Variants in PEAK1 observed in about 807,000 individuals in gnomAD.
The protein encoded by PEAK1 is inactive tyrosine-protein kinase PEAK1.
Under a neutral mutation model 124.7 loss-of-function variants are expected in PEAK1, and 54 were observed. That is an observed-to-expected ratio of 0.43 (90% CI 0.35 to 0.54). The LOEUF is 0.54. Ranked by LOEUF, PEAK1 falls within the 20% of genes least tolerant of loss-of-function variation. The pLI is 0.01. For synonymous variants in PEAK1, 719 were observed against 760.0 expected, an observed-to-expected ratio of 0.95 and a Z score of 0.89; for missense variants, 2,046 against 2,134.5, an observed-to-expected ratio of 0.96 and a Z score of 0.82.
intron 6 of PEAK1, among the ~76,000 whole-genome samples, chr15:77,248,994 A>AT (rs1229375458): frequency 2.6e-5 from 4 of 151,184 alleles, no homozygotes; most frequent in Non-Finnish European, 5.9e-5. Context: ...TAAGTTTTGT[A>AT]TTTTTTTTGG....
chr15:77,252,351 G>A lies in PEAK1; in HGVS notation c.-115+16C>T. 1 of 982,380 alleles carries A rather than the reference G, an allele frequency of 1.0e-6. No homozygotes were observed. The allele number at this position is 982,380 out of a possible 1,614,324, so 60.9% of individuals were successfully genotyped here. A position where few individuals can be genotyped will look rare whatever the true frequency, so the allele number is the denominator to read the frequency against. On this transcript the variant is annotated intron_variant, in intron 6 of 9. Transcript: ENST00000682557. ...TTCTTGGTGGAAATGTAACATGTTAGGAGAATTCTGCTTACTATTTAAATC... is the reference window on the plus strand; with the variant it reads ...TTCTTGGTGGAAATGTAACATGTTAAGAGAATTCTGCTTACTATTTAAATC...
At chr15:77,236,731 C>G (rs1468117134) in intron 6 of PEAK1, among the ~76,000 whole-genome samples, 1 of 152,146 alleles carries the variant, frequency 6.6e-6, no homozygotes, top group Non-Finnish European at 1.5e-5. Context: ...CCACCCAAAT[C>G]TCATCTTAAA....
At chr15:77,407,946 CAT>C (rs1189195031) in intron 1 of PEAK1, among the ~76,000 whole-genome samples, 1 of 81,018 alleles carries the variant, frequency 1.2e-5, no homozygotes, top group African/African-American at 3.1e-5. Context: ...CATATATACA[CAT>C]ATACACACAT....
Position 77,307,472 on chromosome 15 carries a change from G to C in PEAK1, c.-602-20968C>G, listed in dbSNP as rs546123483. Among the ~76,000 whole-genome samples the C allele has an allele frequency of 5.3e-5, 8 of 152,042 alleles. No homozygotes were observed. The East Asian group carries it at 7.7e-4, about 15-fold the overall frequency. Reference sequence around the variant, plus strand: ...ATCAATCGATAGATACAAACATTTGGGTTAATAAAATTTTAGAATCATCAC... The same window carrying C: ...ATCAATCGATAGATACAAACATTTGCGTTAATAAAATTTTAGAATCATCAC... On this transcript the variant is annotated intron_variant, in intron 2 of 9. Transcript: ENST00000682557.
intron 9 of PEAK1, among the ~76,000 whole-genome samples, chr15:77,132,357 T>C (rs1262944559): frequency 6.6e-6 from 1 of 151,780 alleles, no homozygotes. Context: ...AGTGCTGGGA[T>C]TATAGCCATG....
chr15:77,265,806 C>T (rs572288702), intron 5 of PEAK1, among the ~76,000 whole-genome samples: 155 of 152,026 alleles, frequency 1.0e-3, no homozygotes, highest in African/African-American at 2.3e-3. Flanking sequence ...CACATGCACA[C>T]GTATGTTTAT....
chr15:77,218,309 A>C (rs950187526), intron 6 of PEAK1, among the ~76,000 whole-genome samples: 1 of 152,040 alleles, frequency 6.6e-6, no homozygotes, highest in Non-Finnish European at 1.5e-5. Context: ...TTTCCCCATT[A>C]CTTTGATACA....
At chr15:77,278,762 G>T in intron 5 of PEAK1, 1 of 461,418 alleles carries the variant, frequency 2.2e-6, no homozygotes, top group South Asian at 1.7e-5. Context: ...TGATAACTGT[G>T]TACTTCTGGT....
intron 4 of PEAK1, 47 bp from the exon 5 acceptor site, chr15:77,284,077 C>T: frequency 2.1e-6 from 2 of 962,932 alleles, no homozygotes; most frequent in Non-Finnish European, 2.5e-6. Context: ...CACAGAGTCA[C>T]TTAGTCTAGC....
chr15:77,208,177 C>T (rs2058751293), intron 6 of PEAK1, among the ~76,000 whole-genome samples: 1 of 152,132 alleles, frequency 6.6e-6, no homozygotes, highest in South Asian at 2.1e-4. Flanking sequence ...ATCTTTAATT[C>T]AATACAATAA....
chr15:77,349,494 T>C, intron 2 of PEAK1: 3 of 985,198 alleles, frequency 3.0e-6, no homozygotes, highest in Non-Finnish European at 3.6e-6. Context: ...CAAAGCTCAA[T>C]TGATATTGGC....
chr15:77,136,659 C>T (rs2053356014), intron 8 of PEAK1, among the ~76,000 whole-genome samples: 1 of 151,534 alleles, frequency 6.6e-6, no homozygotes, highest in Admixed American at 6.6e-5. Context: ...GAGTGAGACC[C>T]CGTCTCCAAA....
chr15:77,355,333 T>C (rs1168690762), intron 2 of PEAK1, among the ~76,000 whole-genome samples: 1 of 152,200 alleles, frequency 6.6e-6, no homozygotes, highest in East Asian at 1.9e-4. Context: ...AATACTATTA[T>C]ACATACTTAT....
chr15:77,356,400 T>C (rs1418511835), intron 2 of PEAK1, among the ~76,000 whole-genome samples: 1 of 152,200 alleles, frequency 6.6e-6, no homozygotes, highest in Admixed American at 6.5e-5. Context: ...GGATTTCTCA[T>C]ACATCAATGG....
chr15:77,167,397 G>GT (rs1194704216), intron 7 of PEAK1, among the ~76,000 whole-genome samples: 2 of 152,064 alleles, frequency 1.3e-5, no homozygotes, highest in Non-Finnish European at 2.9e-5. Flanking sequence ...TAACCATACT[G>GT]TATCATTCCA....
At position 77,386,153 on chromosome 15, in the gene PEAK1, T is replaced by A. The variant is rs143750478; in HGVS notation, c.-665-20928A>T. On this transcript the variant is annotated intron_variant, in intron 1 of 9. Transcript: ENST00000682557. ...CCAGGAATATATTCCTCAGCATTTA[T>A]TCCTCAGAAAATCTATTTAGTAGGT... Among the ~76,000 whole-genome samples, 651 of 152,330 alleles carry A rather than the reference T, an allele frequency of 4.3e-3. 3 individuals carry two copies. Among genetic ancestry groups the A allele is most frequent in the African/African-American group, 0.015 (631 of 41,572 alleles).
chr15:77,370,085 C>T (rs1383485107), intron 1 of PEAK1, among the ~76,000 whole-genome samples: 2 of 152,146 alleles, frequency 1.3e-5, no homozygotes, highest in Non-Finnish European at 2.9e-5. Flanking sequence ...CACTTCATCT[C>T]CCCACTTCAT....
chr15:77,180,320 G>A lies in PEAK1; in HGVS notation c.1607C>T (p.Thr536Ile), dbSNP rs546124091. Residue 536 changes from threonine (T) to isoleucine (I), a missense_variant, in exon 7 of 10, where the codon ACT becomes ATT. Transcript: ENST00000682557. ...SSAIRYQEVW[T>I]SSTSPRQKIP... is the part of the protein sequence containing the mutation. ...CTTTTGTCGTGGACTGGTGCTAGAAGTCCATACTTCTTGGTATCGAATTGC... is the reference window on the plus strand; with the variant it reads ...CTTTTGTCGTGGACTGGTGCTAGAAATCCATACTTCTTGGTATCGAATTGC... 5.0e-6 allele frequency: 8 copies of A among 1,614,108 alleles called. No individual in the cohort carries two copies. In the African/African-American group the frequency reaches 9.3e-5, roughly 19 times the overall value.
At position 77,133,664 on chromosome 15, in the gene PEAK1, T is replaced by C. The variant is rs1160218222; in HGVS notation, c.3418A>G (p.Thr1140Ala). The C allele has an allele frequency of 2.5e-6, 4 of 1,614,012 alleles. No homozygotes were observed. Among genetic ancestry groups the C allele is most frequent in the Non-Finnish European group, 3.4e-6 (4 of 1,180,012 alleles). ...VDDAIAFGGKTDQEAPNASQP... is the reference protein window; with the variant it reads ...VDDAIAFGGKADQEAPNASQP... Reference sequence around the variant, plus strand: ...GAAGCATTGGGTGCTTCTTGGTCTGTTTTCCCTCCAAAGGCGATGGCATCG... The same window carrying C: ...GAAGCATTGGGTGCTTCTTGGTCTGCTTTCCCTCCAAAGGCGATGGCATCG... Residue 1140 changes from threonine (T) to alanine (A), a missense_variant, in exon 9 of 10, where the codon ACA becomes GCA. Physicochemically the swap from Thr to Ala is moderately conservative, Grantham distance 58. Coordinates refer to ENST00000682557, the MANE Select transcript of PEAK1 (RefSeq NM_001385026.1). This position sits in a 1 kb window ranked among gnomAD's most constrained non-coding sequence, Gnocchi z 4.2.
Sources: allele counts gnomAD v4.1 joint callset (sites outside exome capture counted in the v4.1 genomes callset), GRCh38; gene constraint gnomAD v4.1.1; non-coding constraint Gnocchi (gnomAD v3.1); transcripts MANE v1.5; gene names NCBI Gene and HGNC (gene_info 2026-07-23, HGNC 2026-07-21).